ALK: variants seen among roughly 807,000 people sequenced by gnomAD.
ALK encodes the protein ALK receptor tyrosine kinase.
Under a neutral mutation model 163.1 loss-of-function variants are expected in ALK, and 74 were observed. The ratio of observed to expected loss-of-function variants is 0.45; its 90% confidence interval spans 0.38 to 0.55. The LOEUF is 0.55. Among genes scored for constraint, ALK ranks in the 20% least tolerant of loss-of-function variants. The pLI is 0.00. For synonymous variants in ALK, 960 were observed against 843.2 expected (o/e 1.14, Z -2.40); for missense variants, 2,063 against 2,105.3 (o/e 0.98, Z 0.39).
intron 4 of ALK, among the ~76,000 whole-genome samples, chr2:29,447,274 T>C (rs1049992424): frequency 6.6e-6 from 1 of 152,200 alleles, no homozygotes; most frequent in Non-Finnish European, 1.5e-5. Context: ...CTGCCCATCA[T>C]GATTTCTTGC....
rs1013585938 is a variant in ALK at position 29,223,631 on chromosome 2, C to G, written c.3173-103G>C. ...AGCCTCCCTGGATCTCCATATCCTC[C>G]CCTGAGCTCTGAACCTTTCCATCAT... On this transcript the variant is annotated intron_variant, in intron 19 of 28. Transcript: ENST00000389048. 2.8e-6 allele frequency: 3 copies of G among 1,089,040 alleles called. No homozygotes were observed. The East Asian group carries it at 7.6e-5, about 28-fold the overall frequency. 67.5% of individuals were successfully genotyped at this position (1,089,040 alleles called of 1,614,324 possible).
At chr2:29,625,554 A>G (rs550442689) in intron 3 of ALK, among the ~76,000 whole-genome samples, 11 of 152,338 alleles carry the variant, frequency 7.2e-5, no homozygotes, top group Admixed American at 2.0e-4. Flanking sequence ...AGCAGTAAGT[A>G]GTGTAGACAT....
chr2:29,895,135 T>TA (rs796945785), intron 1 of ALK, among the ~76,000 whole-genome samples: 6 of 152,308 alleles, frequency 3.9e-5, no homozygotes, highest in Admixed American at 2.0e-4. Flanking sequence ...TGCCTGGAGA[T>TA]AAGGCAGGAT....
intron 1 of ALK, among the ~76,000 whole-genome samples, chr2:29,869,304 T>C (rs1378801212): frequency 6.6e-6 from 1 of 152,218 alleles, no homozygotes; most frequent in East Asian, 1.9e-4. Context: ...TTGATTTGCA[T>C]GTCCCTTGAA....
At chr2:29,858,564 C>T (rs1159114807) in intron 1 of ALK, among the ~76,000 whole-genome samples, 1 of 149,712 alleles carries the variant, frequency 6.7e-6, no homozygotes, top group Non-Finnish European at 1.5e-5. Flanking sequence ...GAAACTCCGT[C>T]TCTACTAAAA....
At chr2:29,357,670 C>T (rs1668285250) in intron 5 of ALK, among the ~76,000 whole-genome samples, 1 of 152,216 alleles carries the variant, frequency 6.6e-6, no homozygotes, top group Admixed American at 6.5e-5. Context: ...TATTCCTGGT[C>T]TCCCATGTCA....
intron 5 of ALK, among the ~76,000 whole-genome samples, chr2:29,371,742 C>T (rs1668642284): frequency 6.6e-6 from 1 of 152,176 alleles, no homozygotes. Flanking sequence ...TCTGGTGTCA[C>T]CTCAGGATCC....
intron 13 of ALK, among the ~76,000 whole-genome samples, chr2:29,237,439 C>A (rs984888625): frequency 6.6e-6 from 1 of 152,152 alleles, no homozygotes; most frequent in Non-Finnish European, 1.5e-5. Context: ...TCTTACCTAC[C>A]CTTCCTTTGG....
At position 29,608,211 on chromosome 2, in the gene ALK, C is replaced by A. The variant is rs1435314966; in HGVS notation, c.953-76095G>T. Among the ~76,000 whole-genome samples, 6 of 152,244 alleles carry A rather than the reference C, an allele frequency of 3.9e-5. No homozygotes were observed. The East Asian group carries it at 1.2e-3, about 29-fold the overall frequency. ...GTGCTCCCTTGCCATGCTTTCTTTT[C>A]TTCCTACCACCTATTACCATTTGAT... On this transcript the variant is annotated intron_variant, in intron 3 of 28. Coordinates refer to ENST00000389048, the MANE Select transcript of ALK (RefSeq NM_004304.5).
intron 5 of ALK, among the ~76,000 whole-genome samples, chr2:29,365,220 A>G (rs1306320782): frequency 6.6e-6 from 1 of 152,244 alleles, no homozygotes; most frequent in African/African-American, 2.4e-5. Flanking sequence ...ACTTAAAATA[A>G]AATTGTTTTA....
chr2:29,615,285 C>A (rs1282434069), intron 3 of ALK, among the ~76,000 whole-genome samples: 1 of 152,196 alleles, frequency 6.6e-6, no homozygotes, highest in Non-Finnish European at 1.5e-5. Flanking sequence ...GCACCCCTGA[C>A]TCTTGTCCTA....
chr2:29,713,320 T>G (rs1679160962), intron 2 of ALK, among the ~76,000 whole-genome samples: 1 of 152,136 alleles, frequency 6.6e-6, no homozygotes, highest in African/African-American at 2.4e-5. Context: ...ACTAGGGCAT[T>G]AGAACTTTAA....
At chr2:29,885,823 G>A (rs996069940) in intron 1 of ALK, among the ~76,000 whole-genome samples, 20 of 152,310 alleles carry the variant, frequency 1.3e-4, no homozygotes, top group African/African-American at 4.8e-4. Context: ...ATCCTTCTAT[G>A]AGGGTGCTGA....
intron 6 of ALK, among the ~76,000 whole-genome samples, chr2:29,326,817 T>G (rs965000847): frequency 6.6e-6 from 1 of 152,206 alleles, no homozygotes; most frequent in Non-Finnish European, 1.5e-5. Context: ...TCCAGATGAC[T>G]GGGGGCAGAG....
At chr2:29,670,324 T>C (rs1470698661) in intron 3 of ALK, among the ~76,000 whole-genome samples, 1 of 152,084 alleles carries the variant, frequency 6.6e-6, no homozygotes, top group Admixed American at 6.6e-5. Flanking sequence ...CTTTGGGCAC[T>C]TTGAAAATGT....
At chr2:29,716,929 G>C (rs568140461) in intron 2 of ALK, among the ~76,000 whole-genome samples, 3 of 147,792 alleles carry the variant, frequency 2.0e-5, no homozygotes, top group African/African-American at 7.5e-5. Flanking sequence ...CGGATCACGA[G>C]GTCAGGAGAT....
chr2:29,371,119 T>G (rs1407876031), intron 5 of ALK, among the ~76,000 whole-genome samples: 1 of 152,156 alleles, frequency 6.6e-6, no homozygotes, highest in Non-Finnish European at 1.5e-5. Context: ...TGCTCTATGG[T>G]TTGCAAATTG....
intron 1 of ALK, among the ~76,000 whole-genome samples, chr2:29,826,283 G>A (rs567986859): frequency 3.3e-4 from 50 of 151,874 alleles, no homozygotes; most frequent in African/African-American, 9.2e-4. Flanking sequence ...GTGATTTTAT[G>A]ACTTTTTTGT....
intron 5 of ALK, among the ~76,000 whole-genome samples, chr2:29,331,206 G>A (rs1186606919): frequency 1.3e-5 from 2 of 152,120 alleles, no homozygotes; most frequent in East Asian, 1.9e-4. Context: ...CACTCCATTC[G>A]TTCCTGGGCC....
Sources: allele counts gnomAD v4.1 joint callset (sites outside exome capture counted in the v4.1 genomes callset), GRCh38; gene constraint gnomAD v4.1.1; transcripts MANE v1.5; gene names NCBI Gene and HGNC (gene_info 2026-07-23, HGNC 2026-07-21).